Variants in RXYLT1 observed in about 807,000 individuals in gnomAD.
RXYLT1 encodes ribitol xylosyltransferase 1.
Under a neutral mutation model 43.5 loss-of-function variants are expected in RXYLT1, and 41 were observed. The ratio of observed to expected loss-of-function variants is 0.94; its 90% confidence interval spans 0.73 to 1.22. The LOEUF is 1.22. Ranked by LOEUF, RXYLT1 falls within the 50% of genes most tolerant of loss-of-function variation. The pLI is 0.00. For synonymous variants in RXYLT1, 166 were observed against 194.4 expected, an observed-to-expected ratio of 0.85 and a Z score of 1.21; for missense variants, 514 against 532.0, an observed-to-expected ratio of 0.97 and a Z score of 0.33.
chr12:63,799,588 G>A (rs551898789), intron 3 of RXYLT1, among the ~76,000 whole-genome samples: 3 of 151,998 alleles, frequency 2.0e-5, no homozygotes, highest in Non-Finnish European at 4.4e-5. Context: ...ACCACACCCA[G>A]CTGTATGGCA....
At chr12:63,802,580 G>T (rs1470084606) in intron 4 of RXYLT1, among the ~76,000 whole-genome samples, 175 bp downstream of exon 4, 1 of 151,996 alleles carries the variant, frequency 6.6e-6, no homozygotes, top group Non-Finnish European at 1.5e-5. Flanking sequence ...CAATTATGAT[G>T]TTTTTAAGAG....
intron 3 of RXYLT1, among the ~76,000 whole-genome samples, chr12:63,794,850 GAATA>G (rs1299405082): frequency 6.6e-6 from 1 of 151,930 alleles, no homozygotes; most frequent in Non-Finnish European, 1.5e-5. Flanking sequence ...CATTGTAGCA[GAATA>G]AATAAATATC....
At position 63,802,387 on chromosome 12, in the gene RXYLT1, G is replaced by A. The variant is rs1437099224; in HGVS notation, c.725G>A (p.Trp242Ter). 3.8e-6 allele frequency: 6 copies of A among 1,582,026 alleles called. No homozygotes were observed. The African/African-American group carries it at 4.1e-5, about 11-fold the overall frequency. The stretch of plus-strand genomic sequence containing the variant: ...ATTAATGACGTGGATGTTTTTCAGT[G>A]GCCTTTAGGAGTAGCAACGTAAGTA... ...PWINDVDVFQ[W>*]PLGVATYRNF... The change falls in exon 4 of 6, where the codon TGG (tryptophan) becomes TAG (stop). Residue 242 changes from tryptophan to a stop codon, truncating the protein, a stop_gained. Coordinates refer to ENST00000261234, the MANE Select transcript of RXYLT1 (RefSeq NM_014254.3). LOFTEE classifies it high-confidence loss of function.
intron 5 of RXYLT1, chr12:63,805,665 A>G (rs1898274380): frequency 3.3e-6 from 1 of 306,458 alleles, no homozygotes; most frequent in Non-Finnish European, 5.9e-6. Flanking sequence ...GGTTTCCTCA[A>G]TAATATTTGT....
At chr12:63,788,067 C>T (rs1897845556) in intron 3 of RXYLT1, among the ~76,000 whole-genome samples, 1 of 152,184 alleles carries the variant, frequency 6.6e-6, no homozygotes, top group Non-Finnish European at 1.5e-5. Flanking sequence ...TGACCAGGTG[C>T]ATTGTCAATG....
intron 1 of RXYLT1, among the ~76,000 whole-genome samples, 192 bp from the exon 2 acceptor site, chr12:63,780,827 A>G (rs1897664606): frequency 6.6e-6 from 1 of 152,246 alleles, no homozygotes; most frequent in Non-Finnish European, 1.5e-5. Context: ...TCAGAGTAAA[A>G]AAAGTTCAGT....
intron 1 of RXYLT1, chr12:63,780,382 C>G: frequency 7.8e-7 from 1 of 1,282,296 alleles, no homozygotes; most frequent in Non-Finnish European, 9.8e-7. Flanking sequence ...GCCTTTCAAA[C>G]ACGTGTTAAA....
intron 3 of RXYLT1, among the ~76,000 whole-genome samples, chr12:63,797,020 G>A (rs1043268105): frequency 1.2e-4 from 18 of 144,520 alleles, no homozygotes; most frequent in African/African-American, 4.6e-4. Context: ...CTGGAGAGCA[G>A]TGGCACGATC....
Position 63,781,068 on chromosome 12 carries a change from A to G in RXYLT1, c.219A>G (p.Glu73=). The G allele has an allele frequency of 6.2e-7, 1 of 1,609,378 alleles. No homozygotes were observed. Among genetic ancestry groups the G allele is most frequent in the Non-Finnish European group, 8.5e-7 (1 of 1,178,362 alleles). ...AATGGAATCCTTGGGAAGGAGATGA[A>G]AAAAATGAGCAACAACACAGATTTA... ...SEEWNPWEGD[E]KNEQQHRFKT... The change falls in exon 2 of 6, where the codon GAA becomes GAG. Residue 73 remains glutamate, a synonymous_variant. Transcript: ENST00000261234.
intron 3 of RXYLT1, among the ~76,000 whole-genome samples, chr12:63,796,942 AT>A (rs1898045864): frequency 6.6e-6 from 1 of 150,848 alleles, no homozygotes; most frequent in Admixed American, 6.6e-5. Flanking sequence ...CCTAAAGAAA[AT>A]TATATTTCTT....
At chr12:63,806,655 A>G (rs1370489476) in intron 5 of RXYLT1, 3 of 152,252 alleles carry the variant, frequency 2.0e-5, no homozygotes, top group Non-Finnish European at 4.4e-5. Context: ...CTCTCATACC[A>G]TTGAGCCAGA....
rs762383988 is a variant in RXYLT1, at chr12:63,780,002, C to T, written c.42C>T (p.Ala14=). 1.0e-4 allele frequency: 163 copies of T among 1,611,284 alleles called. 5 individuals carry two copies. The South Asian group carries it at 1.7e-3, about 17-fold the overall frequency. ...AGCGGCTCTGCTCGTTTCTTATCGC[C>T]CTGTACTGCCTATTCTCCCTCTACG... is the stretch of plus-strand genomic sequence containing the variant. ...TRKRLCSFLI[A]LYCLFSLYAA... is the part of the protein sequence containing the mutation. Residue 14 remains alanine (A), a synonymous_variant, in exon 1 of 6, where the codon GCC becomes GCT. Transcript: ENST00000261234.
intron 4 of RXYLT1, among the ~76,000 whole-genome samples, chr12:63,802,621 C>T (rs1005035187): frequency 6.6e-6 from 1 of 151,940 alleles, no homozygotes; most frequent in African/African-American, 2.4e-5. Flanking sequence ...AGATGAGTTA[C>T]TTTTTTTCTT....
intron 2 of RXYLT1, among the ~76,000 whole-genome samples, chr12:63,783,770 C>G (rs1897739617): frequency 6.6e-6 from 1 of 152,278 alleles, no homozygotes; most frequent in Middle Eastern, 3.4e-3. Flanking sequence ...TAATCCATAG[C>G]ATCCTATTGC....
chr12:63,803,393 C>A (rs1413760229), intron 4 of RXYLT1, among the ~76,000 whole-genome samples: 1 of 152,034 alleles, frequency 6.6e-6, no homozygotes, highest in Non-Finnish European at 1.5e-5. Context: ...TAAAACAGCA[C>A]CTGCAGAGTA....
intron 3 of RXYLT1, among the ~76,000 whole-genome samples, chr12:63,796,845 G>C (rs1282129157): frequency 6.6e-6 from 1 of 150,918 alleles, no homozygotes; most frequent in African/African-American, 2.4e-5. Flanking sequence ...CCATTCATTA[G>C]GAAAAAAGCC....
chr12:63,802,281 G>A lies in RXYLT1; in HGVS notation c.619G>A (p.Asp207Asn). ...TGTTTTGCTCGGAAATGAACATTGT[G>A]ATAATGAGTGGATAAACCCATTCCT... ...AVVLLGNEHCDNEWINPFLKR... is the reference protein window; with the variant it reads ...AVVLLGNEHCNNEWINPFLKR... Residue 207 changes from aspartate (D) to asparagine (N), a missense_variant, in exon 4 of 6, where the codon GAT becomes AAT. Physicochemically the swap from Asp to Asn is conservative, Grantham distance 23. Coordinates refer to ENST00000261234, the MANE Select transcript of RXYLT1 (RefSeq NM_014254.3). 6.2e-7 allele frequency: 1 copy of A among 1,614,108 alleles called. No homozygotes were observed. Among genetic ancestry groups the A allele is most frequent in the Non-Finnish European group, 8.5e-7 (1 of 1,180,008 alleles).
At chr12:63,786,783 G>A (rs1041691181) in intron 3 of RXYLT1, among the ~76,000 whole-genome samples, 3 of 152,140 alleles carry the variant, frequency 2.0e-5, no homozygotes, top group African/African-American at 7.2e-5. Flanking sequence ...GATGCTATTT[G>A]GTGGCATTTT....
Position 63,809,341 on chromosome 12 carries a change from T to C in RXYLT1, c.*249T>C. On this transcript the variant is annotated 3_prime_UTR_variant, in exon 6 of 6. Transcript: ENST00000261234. ...CATAGCCTAGTGATGACATATGTAT[T>C]GCAATACATCACTCACGTGTTTGTG... The C allele has an allele frequency of 2.9e-6, 1 of 348,350 alleles. No homozygotes were observed. The highest frequency in any genetic ancestry group is 3.6e-5 in the South Asian group (1 of 27,804). 21.6% of individuals were successfully genotyped at this position (348,350 alleles called of 1,614,324 possible). A position where few individuals can be genotyped will look rare whatever the true frequency, so the allele number is the denominator to read the frequency against.
Sources: allele counts gnomAD v4.1 joint callset (sites outside exome capture counted in the v4.1 genomes callset), GRCh38; gene constraint gnomAD v4.1.1; transcripts MANE v1.5; gene names NCBI Gene and HGNC (gene_info 2026-07-23, HGNC 2026-07-21).